The following FRY variants were observed in gnomAD, a reference collection of about 807,000 sequenced individuals.
The protein encoded by FRY is protein furry homolog.
Under a neutral mutation model 348.4 loss-of-function variants are expected in FRY, and 128 were observed. The observed-to-expected ratio is 0.37, with a 90% CI of 0.32 to 0.43. The LOEUF is 0.43. Ranked by LOEUF, FRY falls within the 20% of genes least tolerant of loss-of-function variation. FRY has a pLI of 1.00. For synonymous variants in FRY, 1,370 were observed against 1,374.7 expected (o/e 1.00, Z 0.08); for missense variants, 2,736 against 3,695.2 (o/e 0.74, Z 6.73).
intron 11 of FRY, among the ~76,000 whole-genome samples, chr13:32,139,723 A>G (rs1267431917): frequency 1.3e-5 from 2 of 152,200 alleles, no homozygotes; most frequent in Non-Finnish European, 2.9e-5. Context: ...TCACTGAGAC[A>G]TTCACATCTT....
chr13:32,202,243 T>A, intron 30 of FRY, 113 bp from the exon 31 acceptor site: 1 of 903,328 alleles, frequency 1.1e-6, no homozygotes, highest in Non-Finnish European at 1.8e-6. Context: ...ATTCTATTTT[T>A]AAATGGGAAT....
intron 2 of FRY, chr13:32,086,091 A>C (rs1875845324): frequency 2.2e-6 from 1 of 454,976 alleles, no homozygotes; most frequent in Non-Finnish European, 4.3e-6. Context: ...GCTTTCAAAG[A>C]GGAAATTTCA....
rs1279563083 is a variant in FRY at position 32,173,415 on chromosome 13, C to T, written c.2200C>T (p.His734Tyr). The stretch of plus-strand genomic sequence containing the variant: ...CAGAATTCAGTCGGAACGAGGTCCC[C>T]ACTGCAGTGTACTCCACGCTGTAGA... The part of the protein sequence containing the change: ...SHRIQSERGP[H>Y]CSVLHAVEGF... Residue 734 changes from histidine to tyrosine, a missense_variant, in exon 19 of 61, where the codon CAC becomes TAC. By Grantham distance (83) the His-to-Tyr change is moderately conservative (BLOSUM62 2). Coordinates refer to ENST00000542859, the MANE Select transcript of FRY (RefSeq NM_023037.3). 6.2e-7 allele frequency: 1 copy of T among 1,612,344 alleles called. No individual in the cohort carries two copies. Among genetic ancestry groups the T allele is most frequent in the Non-Finnish European group, 8.5e-7 (1 of 1,179,708 alleles).
intron 3 of FRY, 146 bp from the exon 4 acceptor site, chr13:32,117,188 G>A: frequency 2.7e-6 from 2 of 734,946 alleles, no homozygotes; most frequent in South Asian, 3.1e-5. Flanking sequence ...TCTTGGGAAT[G>A]TACTAATAAA....
At chr13:32,133,760 C>CTTTT (rs1879519335) in intron 8 of FRY, among the ~76,000 whole-genome samples, 3 of 114,710 alleles carry the variant, frequency 2.6e-5, no homozygotes, top group East Asian at 2.2e-4. Flanking sequence ...TTCTTTCTTT[C>CTTTT]TTTCTTTCTT....
In FRY at chr13:32,144,292, A is replaced by G. The variant is rs1880269383; in HGVS notation, c.1180-2990A>G. Among the ~76,000 whole-genome samples the G allele has an allele frequency of 2.0e-5, 3 of 151,210 alleles. No individual in the cohort carries two copies. In the South Asian group the frequency reaches 6.3e-4, roughly 32 times the overall value. On this transcript the variant is annotated intron_variant, in intron 11 of 60. Transcript: ENST00000542859. ...TTTTTTTTCTCCATGAAGCTAAACA[A>G]ATAGCTATAAAGTTCATCTAGAATA...
intron 35 of FRY, among the ~76,000 whole-genome samples, chr13:32,217,268 A>C (rs1472157596): frequency 6.6e-6 from 1 of 152,188 alleles, no homozygotes; most frequent in African/African-American, 2.4e-5. Context: ...ATATATATTA[A>C]GTTGATAAAA....
intron 14 of FRY, among the ~76,000 whole-genome samples, chr13:32,150,723 T>C (rs1208098682): frequency 6.6e-6 from 1 of 152,168 alleles, no homozygotes; most frequent in Non-Finnish European, 1.5e-5. Context: ...GTTCCTGTCA[T>C]CTCTATATTA....
intron 23 of FRY, among the ~76,000 whole-genome samples, chr13:32,181,350 T>G (rs1383977314): frequency 6.6e-6 from 1 of 151,410 alleles, no homozygotes; most frequent in East Asian, 1.9e-4. Context: ...ATCCCAGCAC[T>G]TTGGGAGGCT....
intron 1 of FRY, among the ~76,000 whole-genome samples, chr13:32,036,629 C>T (rs536537839): frequency 6.6e-6 from 1 of 152,170 alleles, no homozygotes; most frequent in African/African-American, 2.4e-5. Context: ...AATAATTATG[C>T]TGAGACACTG....
chr13:32,203,345 T>C (rs2138331866), intron 31 of FRY, among the ~76,000 whole-genome samples: 1 of 152,356 alleles, frequency 6.6e-6, no homozygotes, highest in East Asian at 1.9e-4. Flanking sequence ...TCTTCATAAA[T>C]AGTTTTTGTG....
chr13:32,079,677 C>A (rs1419533977), intron 2 of FRY, among the ~76,000 whole-genome samples: 1 of 152,112 alleles, frequency 6.6e-6, no homozygotes, highest in African/African-American at 2.4e-5. Flanking sequence ...GTCTGCCTTA[C>A]ATTGATTGCT....
intron 5 of FRY, 81 bp from the exon 6 acceptor site, chr13:32,124,521 T>C (rs1878905638): frequency 1.1e-6 from 1 of 889,642 alleles, no homozygotes; most frequent in South Asian, 1.4e-5. Context: ...CTATTGATTG[T>C]CATATATAGT....
At chr13:32,143,789 G>T (rs552402254) in intron 11 of FRY, among the ~76,000 whole-genome samples, 42 of 152,260 alleles carry the variant, frequency 2.8e-4, no homozygotes, top group African/African-American at 1.0e-3. Flanking sequence ...TTGATGGCAG[G>T]TGTCTTCTAC....
intron 41 of FRY, among the ~76,000 whole-genome samples, chr13:32,234,283 C>T (rs939435080): frequency 6.6e-6 from 1 of 151,756 alleles, no homozygotes; most frequent in Non-Finnish European, 1.5e-5. Flanking sequence ...AGTATCCAGG[C>T]ATGGTGGCAC....
intron 49 of FRY, 99 bp from the exon 50 acceptor site, chr13:32,251,779 C>T (rs927846379): frequency 2.0e-5 from 16 of 787,596 alleles, no homozygotes; most frequent in Admixed American, 8.5e-5. Context: ...TCTGTCTATA[C>T]GTTAAGTGCT....
rs757022498 is a variant in FRY, at chr13:32,211,049, C to T, written c.4591+15C>T. The T allele has an allele frequency of 2.2e-5, 36 of 1,612,000 alleles. No individual in the cohort carries two copies. Among genetic ancestry groups the T allele is most frequent in the African/African-American group, 9.3e-5 (7 of 74,878 alleles). ...AGCAGCCTCAGGTAAGAAGAGCAAC[C>T]GGGCAGACACCTGGTCACAGATCCC... is the stretch of plus-strand genomic sequence containing the variant. On this transcript the variant is annotated intron_variant, in intron 34 of 60. Transcript: ENST00000542859.
chr13:32,102,164 A>C (rs564140299), intron 3 of FRY, 148 bp downstream of exon 3: 2 of 636,296 alleles, frequency 3.1e-6, no homozygotes, highest in Non-Finnish European at 5.8e-6. Flanking sequence ...TGCAGTTTTC[A>C]TGGTTGTGGT....
At chr13:32,261,901 G>A in intron 52 of FRY, 85 bp downstream of exon 52, 2 of 1,286,028 alleles carry the variant, frequency 1.6e-6, no homozygotes, top group Non-Finnish European at 2.2e-6. Context: ...TTGCAGCTAA[G>A]GAAACTTTCC....
Sources: allele counts gnomAD v4.1 joint callset (sites outside exome capture counted in the v4.1 genomes callset), GRCh38; gene constraint gnomAD v4.1.1; transcripts MANE v1.5; gene names NCBI Gene and HGNC (gene_info 2026-07-23, HGNC 2026-07-21).